The following GPHN variants were observed in gnomAD, a reference collection of about 807,000 sequenced individuals.
GPHN encodes gephyrin.
A neutral mutation model predicts 95.5 loss-of-function variants in GPHN; 17 were observed. The observed-to-expected ratio is 0.18, with a 90% CI of 0.12 to 0.27. GPHN has a LOEUF of 0.27. Among genes scored for constraint, GPHN ranks in the 10% least tolerant of loss-of-function variants. The pLI is 1.00. For missense variants in GPHN, 660 were observed against 978.1 expected, an observed-to-expected ratio of 0.67 and a Z score of 4.34; for synonymous variants, 320 against 322.5, an observed-to-expected ratio of 0.99 and a Z score of 0.08.
intron 8 of GPHN, among the ~76,000 whole-genome samples, chr14:66,961,901 T>TATATATATAC (rs2068936600): frequency 8.7e-5 from 2 of 23,002 alleles, no homozygotes; most frequent in Admixed American, 3.9e-4. Context: ...CCTGAATGTG[T>TATATATATAC]ATATATATAT....
At chr14:67,065,036 T>C (rs2075989572) in intron 11 of GPHN, among the ~76,000 whole-genome samples, 1 of 152,218 alleles carries the variant, frequency 6.6e-6, no homozygotes, top group Non-Finnish European at 1.5e-5. Flanking sequence ...GGGTGTCAAT[T>C]TTAGATCTTT....
chr14:66,968,039 C>G (rs970576982), intron 9 of GPHN, among the ~76,000 whole-genome samples: 21 of 151,890 alleles, frequency 1.4e-4, no homozygotes, highest in Non-Finnish European at 5.9e-5. Flanking sequence ...AATATCTGTT[C>G]TTTTTTATTT....
At chr14:67,233,231 T>G in the GPHN span, among the ~76,000 whole-genome samples, 2 of 152,020 alleles carry the variant, frequency 1.3e-5, no homozygotes, top group South Asian at 4.1e-4. Flanking sequence ...AACATCTGCC[T>G]CCCAGGTCCA....
At chr14:67,045,753 C>T (rs1455174506) in intron 10 of GPHN, among the ~76,000 whole-genome samples, 1 of 151,738 alleles carries the variant, frequency 6.6e-6, no homozygotes, top group Non-Finnish European at 1.5e-5. Flanking sequence ...ATCTCTCTGT[C>T]TCTGTCTCTC....
At chr14:66,662,935 T>G (rs574476406) in intron 1 of GPHN, among the ~76,000 whole-genome samples, 10 of 151,878 alleles carry the variant, frequency 6.6e-5, no homozygotes, top group Middle Eastern at 3.4e-3. Context: ...GAAAAAAGAA[T>G]GAAAAAGAAT....
At chr14:66,658,475 A>G (rs1430641751) in intron 1 of GPHN, among the ~76,000 whole-genome samples, 1 of 152,136 alleles carries the variant, frequency 6.6e-6, no homozygotes, top group Non-Finnish European at 1.5e-5. Context: ...ACAGAGAAGT[A>G]TTTTGTCAAA....
chr14:66,587,809 G>C (rs894645841), intron 1 of GPHN, among the ~76,000 whole-genome samples: 5 of 152,212 alleles, frequency 3.3e-5, no homozygotes, highest in African/African-American at 1.2e-4. Context: ...TCTGGGTGCA[G>C]CTTCGGCAGA....
At chr14:67,646,987 G>A in the GPHN span, 3 of 1,612,986 alleles carry the variant, frequency 1.9e-6, no homozygotes, top group South Asian at 3.3e-5. Flanking sequence ...TTGGTATCCA[G>A]AAGGTCATGG....
intron 1 of GPHN, among the ~76,000 whole-genome samples, chr14:66,593,925 A>C (rs2061865916): frequency 6.6e-6 from 1 of 152,216 alleles, no homozygotes. Context: ...AGAAAAGCTT[A>C]AAGACTCCAC....
intron 8 of GPHN, among the ~76,000 whole-genome samples, chr14:66,941,702 T>A (rs542931459): frequency 5.9e-5 from 9 of 151,274 alleles, no homozygotes; most frequent in Non-Finnish European, 1.3e-4. Flanking sequence ...AAAAAACTTG[T>A]TTCTCCAATT....
At chr14:67,577,795 T>C in the GPHN span, among the ~76,000 whole-genome samples, 2 of 152,204 alleles carry the variant, frequency 1.3e-5, no homozygotes, top group Non-Finnish European at 2.9e-5. Flanking sequence ...ATTTGTCTTG[T>C]TTATGTAATG....
the GPHN span, among the ~76,000 whole-genome samples, chr14:67,192,777 CAT>C: frequency 4.8e-5 from 7 of 146,822 alleles, no homozygotes; most frequent in South Asian, 1.5e-3. Context: ...ACATATATTA[CAT>C]ATATATGTAT....
intron 2 of GPHN, among the ~76,000 whole-genome samples, chr14:66,751,321 G>A (rs970212720): frequency 1.9e-4 from 29 of 152,016 alleles, no homozygotes; most frequent in Non-Finnish European, 3.5e-4. Context: ...CAGTCTATAA[G>A]CATTCTGTTT....
chr14:66,816,499 T>A (rs904572285), intron 3 of GPHN, among the ~76,000 whole-genome samples: 21 of 152,216 alleles, frequency 1.4e-4, no homozygotes, highest in Non-Finnish European at 2.9e-4. Context: ...ACTGAGAAAT[T>A]TACTCACAAC....
chr14:67,542,358 T>C, the GPHN span, among the ~76,000 whole-genome samples: 1 of 152,204 alleles, frequency 6.6e-6, no homozygotes, highest in Non-Finnish European at 1.5e-5. Flanking sequence ...ACCCTTCCTC[T>C]CACCCTTTGT....
At chr14:66,970,039 T>G (rs2153590851) in intron 9 of GPHN, among the ~76,000 whole-genome samples, 1 of 151,382 alleles carries the variant, frequency 6.6e-6, no homozygotes, top group South Asian at 2.1e-4. Flanking sequence ...TCCTGTACCT[T>G]AAAAGTTAGC....
At chr14:66,822,653 G>T (rs914698155) in intron 3 of GPHN, among the ~76,000 whole-genome samples, 1 of 152,186 alleles carries the variant, frequency 6.6e-6, no homozygotes, top group Admixed American at 6.5e-5. Flanking sequence ...GCATTCTTCA[G>T]TATAAAGGGA....
intron 1 of GPHN, among the ~76,000 whole-genome samples, chr14:66,547,388 A>G (rs1434508697): frequency 6.6e-6 from 1 of 152,242 alleles, no homozygotes; most frequent in Non-Finnish European, 1.5e-5. Flanking sequence ...ATTGATTAAA[A>G]TAAGTAAAAG....
chr14:67,351,032 G>A, the GPHN span, among the ~76,000 whole-genome samples: 3 of 152,094 alleles, frequency 2.0e-5, no homozygotes, highest in Non-Finnish European at 4.4e-5. Flanking sequence ...AACCCTAATG[G>A]TGTATTAATT....
Sources: allele counts gnomAD v4.1 joint callset (sites outside exome capture counted in the v4.1 genomes callset), GRCh38; gene constraint gnomAD v4.1.1; transcripts MANE v1.5; gene names NCBI Gene and HGNC (gene_info 2026-07-23, HGNC 2026-07-21).